Variants in RIPPLY1 observed in about 807,000 individuals in gnomAD.
The protein encoded by RIPPLY1 is protein ripply1.
Under a neutral mutation model 8.7 loss-of-function variants are expected in RIPPLY1, and 10 were observed. The ratio of observed to expected loss-of-function variants is 1.15; its 90% confidence interval spans 0.71 to 1.94. The LOEUF (loss-of-function observed/expected upper bound fraction) is 1.94. Among genes scored for constraint, RIPPLY1 ranks in the 30% most tolerant of loss-of-function variants. The pLI is 0.00. For missense variants in RIPPLY1, 118 were observed against 108.7 expected (o/e 1.09, Z -0.38); for synonymous variants, 54 against 44.8 (o/e 1.20, Z -0.82).
Position 106,900,760 on chromosome X carries a change from C to G in RIPPLY1, c.445G>C (p.Glu149Gln). The G allele has an allele frequency of 8.3e-7, 1 of 1,208,724 alleles. No individual in the cohort carries two copies. The highest frequency in any genetic ancestry group is 1.1e-6 in the Non-Finnish European group (1 of 893,942). Reference sequence around the variant, plus strand: ...TTTTCATTGGCCTCCTACTTCTCTTCTTCATCCTCCTGCTCTTCATCTTCC... The same window carrying G: ...TTTTCATTGGCCTCCTACTTCTCTTGTTCATCCTCCTGCTCTTCATCTTCC... ...EEEDEEQEDEEEK is the reference protein window; with the variant it reads ...EEEDEEQEDEQEK The change falls in exon 4 of 4, where the codon GAA becomes CAA. Residue 149 changes from glutamate to glutamine, a missense_variant. Coordinates refer to ENST00000276173, the MANE Select transcript of RIPPLY1 (RefSeq NM_138382.3).
Position 106,900,860 on chromosome X carries a change from C to T in RIPPLY1, c.345G>A (p.Gly115=), listed in dbSNP as rs773181899. 8.3e-7 allele frequency: 1 copy of T among 1,211,456 alleles called. No homozygotes were observed. The highest frequency in any genetic ancestry group is 1.1e-6 in the Non-Finnish European group (1 of 895,364). Reference sequence around the variant, plus strand: ...CAGGAAAGTTCTGCAGTAAAATCTCCCCAGCACTGTACAGATAGTCGAAGG... The same window carrying T: ...CAGGAAAGTTCTGCAGTAAAATCTCTCCAGCACTGTACAGATAGTCGAAGG... ...SRSFDYLYSA[G]EILLQNFPVQ... The change falls in exon 4 of 4, where the codon GGG becomes GGA. Residue 115 remains glycine, a synonymous_variant. Transcript: ENST00000276173.
In RIPPLY1 at chrX:106,900,838, G is replaced by A. The variant is rs746078758; in HGVS notation, c.367C>T (p.Pro123Ser). The A allele has an allele frequency of 1.7e-6, 2 of 1,211,659 alleles. No homozygotes were observed. The highest frequency in any genetic ancestry group is 3.5e-5 in the South Asian group (2 of 56,968). The part of the protein sequence containing the change: ...SAGEILLQNF[P>S]VQATINLYED... ...TATAGGTTGATGGTTGCCTGGACAG[G>A]AAAGTTCTGCAGTAAAATCTCCCCA... Residue 123 changes from proline to serine, a missense_variant, in exon 4 of 4, where the codon CCT becomes TCT. Transcript: ENST00000276173.
rs182725533 is a variant in RIPPLY1, at chrX:106,900,797, G to A, written c.408C>T (p.Ser136=). The A allele has an allele frequency of 2.1e-4, 259 of 1,209,018 alleles. No homozygotes were observed. In the Admixed American group the frequency reaches 2.7e-3, roughly 12 times the overall value. Residue 136 remains serine (S), a synonymous_variant, in exon 4 of 4, where the codon AGC becomes AGT. Coordinates refer to ENST00000276173, the MANE Select transcript of RIPPLY1 (RefSeq NM_138382.3). ...ATINLYEDSD[S]EEEEEDEEQE... is the part of the protein sequence containing the mutation. ...GCTCTTCATCTTCCTCTTCTTCTTC[G>A]CTGTCTGAGTCCTCGTATAGGTTGA... is the stretch of plus-strand genomic sequence containing the variant.
At chrX:106,902,630 C>A in intron 1 of RIPPLY1, among the ~76,000 whole-genome samples, 1 of 112,069 alleles carries the variant, frequency 8.9e-6, no homozygotes, top group Non-Finnish European at 1.9e-5. Flanking sequence ...CAGAGCTCTA[C>A]CATCTTCCTG....
chrX:106,902,271 C>T (rs1213092656), intron 1 of RIPPLY1, 56 bp from the exon 2 acceptor site: 1 of 1,016,217 alleles, frequency 9.8e-7, no homozygotes, highest in Non-Finnish European at 1.4e-6. Context: ...GGTGGGCTCC[C>T]TGAGATAACA....
Position 106,902,163 on chromosome X carries a change from G to T in RIPPLY1, c.208C>A (p.Gln70Lys). Reference protein sequence around the residue: ...WLSSTNDSPRQMRKLVDLAAG... With the variant: ...WLSSTNDSPRKMRKLVDLAAG... ...ACCAAATCCACCAGCTTCCTCATCT[G>T]CCTTGGGGAGTCATTTGTGGAAGAC... The change falls in exon 2 of 4, where the codon CAG becomes AAG. Residue 70 changes from glutamine to lysine, a missense_variant. Physicochemically the swap from Gln to Lys is moderately conservative, Grantham distance 53. Transcript: ENST00000276173. The T allele has an allele frequency of 8.4e-7, 1 of 1,194,149 alleles. No homozygotes were observed.
chrX:106,901,431 A>C, intron 3 of RIPPLY1, 43 bp downstream of exon 3: 1 of 1,131,158 alleles, frequency 8.8e-7, no homozygotes, highest in Non-Finnish European at 1.2e-6. Flanking sequence ...TCAAAGAGCT[A>C]ATGGATCTAT....
intron 1 of RIPPLY1, 83 bp from the exon 2 acceptor site, chrX:106,902,298 C>G: frequency 2.3e-6 from 2 of 858,132 alleles, no homozygotes; most frequent in South Asian, 4.7e-5. Flanking sequence ...CTCCCAAAAG[C>G]TTGGCTCAGG....
At position 106,900,571 on chromosome X, in the gene RIPPLY1, C is replaced by A; in HGVS notation, c.*178G>T. ...AGTCCAGAAAGCTCTATCTGCTGGA[C>A]TAATACTTCCGGCTAACTGATGTCT... On this transcript the variant is annotated 3_prime_UTR_variant, in exon 4 of 4. Transcript: ENST00000276173. 1 of 865,040 alleles carries A rather than the reference C, an allele frequency of 1.2e-6. No homozygotes were observed. The highest frequency in any genetic ancestry group is 3.6e-5 in the East Asian group (1 of 28,037). The allele number at this position is 865,040 out of a possible 1,213,427, so 71.3% of individuals were successfully genotyped here.
At chrX:106,901,444 C>G in intron 3 of RIPPLY1, 30 bp downstream of exon 3, 1 of 1,192,166 alleles carries the variant, frequency 8.4e-7, no homozygotes, top group Non-Finnish European at 1.1e-6. Context: ...GGATCTATGT[C>G]AAGTTTGGAG....
At chrX:106,901,045 GT>G in intron 3 of RIPPLY1, 137 bp from the exon 4 acceptor site, 1 of 1,011,419 alleles carries the variant, frequency 9.9e-7, no homozygotes, top group Non-Finnish European at 1.3e-6. Context: ...AAGAAAGAAA[GT>G]TTTGTAACAG....
Position 106,902,143 on chromosome X carries a change from A to G in RIPPLY1, c.228T>C (p.Asp76=). 8.4e-7 allele frequency: 1 copy of G among 1,194,474 alleles called. No homozygotes were observed. The highest frequency in any genetic ancestry group is 1.1e-6 in the Non-Finnish European group (1 of 886,555). ...DSPRQMRKLV[D]LAAGGATAAE... is the part of the protein sequence containing the mutation. Reference sequence around the variant, plus strand: ...CGTCACAAGGGCTCGAACTCACCAAATCCACCAGCTTCCTCATCTGCCTTG... The same window carrying G: ...CGTCACAAGGGCTCGAACTCACCAAGTCCACCAGCTTCCTCATCTGCCTTG... Residue 76 remains aspartate (D), a synonymous_variant, in exon 2 of 4, where the codon GAT becomes GAC. Transcript: ENST00000276173.
In RIPPLY1 at chrX:106,902,158, C is replaced by T. The variant is rs1933109146; in HGVS notation, c.213G>A (p.Met71Ile). The T allele has an allele frequency of 8.4e-7, 1 of 1,193,453 alleles. No homozygotes were observed. The highest frequency in any genetic ancestry group is 3.0e-5 in the East Asian group (1 of 32,850). The change falls in exon 2 of 4, where the codon ATG (methionine) becomes ATA (isoleucine). Residue 71 changes from methionine (M) to isoleucine (I), a missense_variant. Physicochemically the swap from Met to Ile is conservative, Grantham distance 10. Coordinates refer to ENST00000276173, the MANE Select transcript of RIPPLY1 (RefSeq NM_138382.3). ...LSSTNDSPRQMRKLVDLAAGG... is the reference protein window; with the variant it reads ...LSSTNDSPRQIRKLVDLAAGG... Reference sequence around the variant, plus strand: ...AACTCACCAAATCCACCAGCTTCCTCATCTGCCTTGGGGAGTCATTTGTGG... The same window carrying T: ...AACTCACCAAATCCACCAGCTTCCTTATCTGCCTTGGGGAGTCATTTGTGG...
At chrX:106,901,940 G>T (rs1933106031) in intron 2 of RIPPLY1, among the ~76,000 whole-genome samples, 200 bp downstream of exon 2, 1 of 112,117 alleles carries the variant, frequency 8.9e-6, no homozygotes, top group African/African-American at 3.2e-5. Flanking sequence ...CCCACTCTGA[G>T]CTTTGGTCTC....
chrX:106,903,325 C>T lies in RIPPLY1; in HGVS notation c.-38G>A. The T allele has an allele frequency of 2.6e-6, 3 of 1,156,484 alleles. No homozygotes were observed. Among genetic ancestry groups the T allele is most frequent in the Non-Finnish European group, 3.5e-6 (3 of 865,223 alleles). Reference sequence around the variant, plus strand: ...AAAGCCAGTGGGGTCTCCTACTTCCCAGAACCTTCTGCACTCTTTTGGCTT... The same window carrying T: ...AAAGCCAGTGGGGTCTCCTACTTCCTAGAACCTTCTGCACTCTTTTGGCTT... On this transcript the variant is annotated 5_prime_UTR_variant, in exon 1 of 4. Coordinates refer to ENST00000276173, the MANE Select transcript of RIPPLY1 (RefSeq NM_138382.3).
At position 106,900,266 on chromosome X, in the gene RIPPLY1, T is replaced by C. The variant is rs1038128928; in HGVS notation, c.*483A>G. 3 of 113,460 alleles carry C rather than the reference T, an allele frequency of 2.6e-5. No individual in the cohort carries two copies. The highest frequency in any genetic ancestry group is 9.2e-5 in the Admixed American group (1 of 10,914). 9.4% of individuals were successfully genotyped at this position (113,460 alleles called of 1,213,427 possible). ...GATCTGCTGTTGGTATTCCTTGGGG[T>C]GAAGCCAGAAGTCAGGCTTTCCACA... On this transcript the variant is annotated 3_prime_UTR_variant, in exon 4 of 4. Coordinates refer to ENST00000276173, the MANE Select transcript of RIPPLY1 (RefSeq NM_138382.3).
chrX:106,900,880 C>G lies in RIPPLY1; in HGVS notation c.325G>C (p.Asp109His). The G allele has an allele frequency of 3.3e-6, 4 of 1,210,406 alleles. No homozygotes were observed. Among genetic ancestry groups the G allele is most frequent in the Non-Finnish European group, 4.5e-6 (4 of 894,918 alleles). Reference protein sequence around the residue: ...RLFWPKSRSFDYLYSAGEILL... With the variant: ...RLFWPKSRSFHYLYSAGEILL... ...ATCTCCCCAGCACTGTACAGATAGT[C>G]GAAGGAGCGGGATTTAGGCCAGAAG... The change falls in exon 4 of 4, where the codon GAC becomes CAC. Residue 109 changes from aspartate (D) to histidine (H), a missense_variant. Coordinates refer to ENST00000276173, the MANE Select transcript of RIPPLY1 (RefSeq NM_138382.3).
intron 2 of RIPPLY1, 41 bp downstream of exon 2, chrX:106,902,099 G>A: frequency 8.1e-6 from 9 of 1,106,834 alleles, no homozygotes; most frequent in Non-Finnish European, 9.8e-6. Flanking sequence ...GTTAATGCAT[G>A]TGGCTGCATG....
intron 1 of RIPPLY1, 99 bp downstream of exon 1, chrX:106,903,034 T>C: frequency 1.0e-6 from 1 of 959,043 alleles, no homozygotes; most frequent in Non-Finnish European, 1.5e-6. Context: ...GCTTTTCCCC[T>C]TCACAGAGAA....
Sources: allele counts gnomAD v4.1 joint callset (sites outside exome capture counted in the v4.1 genomes callset), GRCh38; gene constraint gnomAD v4.1.1; transcripts MANE v1.5; gene names NCBI Gene and HGNC (gene_info 2026-07-23, HGNC 2026-07-21).